The following SGCD variants were observed in gnomAD, a reference collection of about 807,000 sequenced individuals.
SGCD encodes the protein delta-sarcoglycan.
SGCD carries 18 observed loss-of-function variants against 36.6 expected under a neutral mutation model. The observed-to-expected ratio is 0.49, with a 90% CI of 0.34 to 0.73. The LOEUF (loss-of-function observed/expected upper bound fraction) is 0.73. SGCD is among the 30% of genes least tolerant of loss of function. SGCD has a pLI of 0.01. For synonymous variants in SGCD, 133 were observed against 130.6 expected (o/e 1.02, Z -0.12); for missense variants, 387 against 346.7 (o/e 1.12, Z -0.92).
At chr5:156,503,796 T>C (rs1365620861) in intron 3 of SGCD, among the ~76,000 whole-genome samples, 2 of 152,230 alleles carry the variant, frequency 1.3e-5, no homozygotes, top group African/African-American at 4.8e-5. Context: ...AGGTATAGTG[T>C]ACATTCTAGG....
At chr5:156,278,199 C>A (rs1215574458) in intron 3 of SGCD, among the ~76,000 whole-genome samples, 1 of 151,974 alleles carries the variant, frequency 6.6e-6, no homozygotes, top group Non-Finnish European at 1.5e-5. Context: ...ATATAGTGAG[C>A]AAGAAATAAC....
chr5:156,104,277 G>A (rs1761590943), intron 1 of SGCD, among the ~76,000 whole-genome samples: 1 of 152,060 alleles, frequency 6.6e-6, no homozygotes, highest in South Asian at 2.1e-4. Context: ...GTGTAAGACA[G>A]TCTTACTCTA....
At chr5:156,081,479 A>G (rs778621001) in intron 1 of SGCD, among the ~76,000 whole-genome samples, 6 of 152,074 alleles carry the variant, frequency 3.9e-5, no homozygotes, top group Non-Finnish European at 7.4e-5. Context: ...TGCAGCATTG[A>G]TCTCCCTGGA....
At chr5:156,593,624 C>G (rs1760812859) in intron 5 of SGCD, among the ~76,000 whole-genome samples, 1 of 152,082 alleles carries the variant, frequency 6.6e-6, no homozygotes, top group African/African-American at 2.4e-5. Context: ...CTTAAACGTT[C>G]CCCAAAATAA....
At chr5:156,080,075 T>C (rs1269059272) in intron 1 of SGCD, among the ~76,000 whole-genome samples, 2 of 152,252 alleles carry the variant, frequency 1.3e-5, no homozygotes, top group Non-Finnish European at 2.9e-5. Flanking sequence ...GCTTTCACTC[T>C]GTATGCCTAC....
chr5:156,663,012 C>A (rs1034006196), intron 7 of SGCD, among the ~76,000 whole-genome samples: 1 of 145,620 alleles, frequency 6.9e-6, no homozygotes, highest in Non-Finnish European at 1.5e-5. Context: ...TTTATTTTAG[C>A]CTCAACTGGA....
At chr5:156,567,373 G>A (rs143509693) in intron 4 of SGCD, among the ~76,000 whole-genome samples, 1 of 128,942 alleles carries the variant, frequency 7.8e-6, no homozygotes, top group South Asian at 2.7e-4. Flanking sequence ...GGGATGGATA[G>A]ATAAATAGAT....
At chr5:155,893,757 A>G (rs1756186686) in intron 1 of SGCD, among the ~76,000 whole-genome samples, 1 of 152,268 alleles carries the variant, frequency 6.6e-6, no homozygotes, top group Non-Finnish European at 1.5e-5. Flanking sequence ...GGAATACTCT[A>G]CGAGAAATGT....
At chr5:155,778,750 T>C in the SGCD span, among the ~76,000 whole-genome samples, 1 of 152,212 alleles carries the variant, frequency 6.6e-6, no homozygotes. Flanking sequence ...TCCTACTTAA[T>C]TATTACTTTT....
At chr5:155,897,735 C>A (rs535599539) in intron 1 of SGCD, among the ~76,000 whole-genome samples, 1 of 151,940 alleles carries the variant, frequency 6.6e-6, no homozygotes, top group Non-Finnish European at 1.5e-5. Flanking sequence ...TTAGTATTGG[C>A]CTACACAGGA....
At chr5:155,926,663 C>T (rs1467915951) in intron 1 of SGCD, among the ~76,000 whole-genome samples, 2 of 152,046 alleles carry the variant, frequency 1.3e-5, no homozygotes, top group South Asian at 4.1e-4. Flanking sequence ...AAATTGTTTT[C>T]AACAGCAAAA....
At chr5:156,580,386 G>A (rs13358448) in intron 4 of SGCD, among the ~76,000 whole-genome samples, 4,743 of 152,236 alleles carry the variant, frequency 0.031, 174 homozygotes, top group African/African-American at 0.079. Flanking sequence ...TGACAATTAT[G>A]TGTCTTGGGG....
At chr5:156,096,688 G>A (rs2127595659) in intron 1 of SGCD, among the ~76,000 whole-genome samples, 1 of 152,064 alleles carries the variant, frequency 6.6e-6, no homozygotes, top group East Asian at 1.9e-4. Context: ...ATCAAATAAG[G>A]GAAACATTGT....
At chr5:156,026,580 C>A (rs1450028591) in intron 1 of SGCD, among the ~76,000 whole-genome samples, 1 of 152,162 alleles carries the variant, frequency 6.6e-6, no homozygotes, top group Non-Finnish European at 1.5e-5. Context: ...CCAAACTATT[C>A]AAGAATTTTG....
At chr5:156,634,570 C>G (rs6886792) in intron 6 of SGCD, among the ~76,000 whole-genome samples, 39,609 of 151,972 alleles carry the variant, frequency 0.26, 5,507 homozygotes, top group African/African-American at 0.36. Context: ...TGATAGAAAA[C>G]ACAAAACCAT....
chr5:156,252,729 A>G (rs549389725), intron 3 of SGCD, among the ~76,000 whole-genome samples: 23 of 152,340 alleles, frequency 1.5e-4, no homozygotes, highest in African/African-American at 5.1e-4. Context: ...TTTATCTTAA[A>G]TATTCATGTG....
At chr5:155,748,408 T>C in the SGCD span, among the ~76,000 whole-genome samples, 8 of 152,144 alleles carry the variant, frequency 5.3e-5, no homozygotes, top group Non-Finnish European at 1.0e-4. Flanking sequence ...GATCTTGTTC[T>C]CTATCCTACC....
intron 3 of SGCD, among the ~76,000 whole-genome samples, chr5:156,418,700 G>A (rs746079886): frequency 1.3e-5 from 2 of 152,178 alleles, no homozygotes; most frequent in Non-Finnish European, 2.9e-5. Flanking sequence ...ATAGAAAGTG[G>A]TTAGGTGCAG....
chr5:156,246,442 AT>A (rs895193721), intron 3 of SGCD, among the ~76,000 whole-genome samples: 68 of 150,154 alleles, frequency 4.5e-4, no homozygotes, highest in South Asian at 4.4e-3. Flanking sequence ...AAGGTTATAG[AT>A]TTTTTTTTTA....
Sources: gnomAD v4.1 joint callset for allele counts (sites outside exome capture counted in the v4.1 genomes callset) on GRCh38, gnomAD v4.1.1 for gene constraint, MANE v1.5 for transcripts, NCBI Gene and HGNC (gene_info 2026-07-23, HGNC 2026-07-21) for gene names.